The following OSER1 variants were observed in gnomAD, a reference collection of about 807,000 sequenced individuals.
OSER1 encodes oxidative stress responsive serine rich 1.
A neutral mutation model predicts 26.3 loss-of-function variants in OSER1; 15 were observed. The ratio of observed to expected loss-of-function variants is 0.57; its 90% CI spans 0.38 to 0.88. OSER1 has a LOEUF of 0.88. Among genes scored for constraint, OSER1 ranks in the 40% least tolerant of loss-of-function variants. OSER1 has a pLI of 0.00. For missense variants in OSER1, 313 were observed against 353.9 expected (o/e 0.88, Z 0.93); for synonymous variants, 127 against 128.2 (o/e 0.99, Z 0.07).
chr20:44,202,850 T>C lies in OSER1; in HGVS notation c.191+111A>G, dbSNP rs1401775886. 18 of 546,898 alleles carry C rather than the reference T, an allele frequency of 3.3e-5. No homozygotes were observed. The East Asian group carries it at 5.3e-4, about 16-fold the overall frequency. The allele number at this position is 546,898 out of a possible 1,614,324, so 33.9% of individuals were successfully genotyped here. A position where few individuals can be genotyped will look rare whatever the true frequency, so the allele number is the denominator to read the frequency against. On this transcript the variant is annotated intron_variant, in intron 3 of 3. Transcript: ENST00000255174. ...GAAGGAATAGGTCCTCATCTAATCA[T>C]TGGGTCTTAGGTTCTATATCATAAC...
At chr20:44,211,017 A>G (rs1458199243), upstream of OSER1, 6 of 152,358 alleles carry the variant, frequency 3.9e-5, no homozygotes, top group African/African-American at 1.2e-4. Context: ...GCCTCCTCCC[A>G]GTGGCGTGGA....
intron 1 of OSER1, among the ~76,000 whole-genome samples, chr20:44,209,813 C>T (rs2073079197): frequency 6.6e-6 from 1 of 152,188 alleles, no homozygotes; most frequent in African/African-American, 2.4e-5. Flanking sequence ...GTCTACACTT[C>T]CAGGCCCCTG....
At chr20:44,207,281 A>G (rs1160300195) in intron 1 of OSER1, 3 of 186,740 alleles carry the variant, frequency 1.6e-5, no homozygotes, top group Non-Finnish European at 3.3e-5. Context: ...TTCAGTATAC[A>G]TACTTTTTAA....
intron 2 of OSER1, 69 bp downstream of exon 2, chr20:44,206,812 T>C: frequency 1.4e-6 from 1 of 695,218 alleles, no homozygotes; most frequent in East Asian, 2.7e-5. Context: ...GAAGAGCTTT[T>C]TAGGGAAAAG....
intron 2 of OSER1, among the ~76,000 whole-genome samples, chr20:44,205,581 T>C (rs2073029437): frequency 6.6e-6 from 1 of 152,192 alleles, no homozygotes; most frequent in South Asian, 2.1e-4. Context: ...AGTTTTCACT[T>C]TGTGCTAGGT....
intron 2 of OSER1, among the ~76,000 whole-genome samples, chr20:44,203,696 ACAC>A (rs1569240138): frequency 8.4e-4 from 99 of 118,350 alleles, no homozygotes; most frequent in African/African-American, 2.2e-3. Flanking sequence ...GACTTTTTTC[ACAC>A]ACACACACAC....
chr20:44,203,694 TCACACA>T (rs139060435), intron 2 of OSER1, among the ~76,000 whole-genome samples: 57 of 145,442 alleles, frequency 3.9e-4, no homozygotes, highest in East Asian at 2.0e-3. Flanking sequence ...CAGACTTTTT[TCACACA>T]CACACACACA....
At chr20:44,211,147 G>T (rs62204527), upstream of OSER1, 1,122 of 152,500 alleles carry the variant, frequency 7.4e-3, 18 homozygotes, top group East Asian at 0.053. Flanking sequence ...CTTGCGCTCG[G>T]TCCTCTACGT....
Position 44,197,026 on chromosome 20 carries a change from A to T in OSER1, c.*26T>A. On this transcript the variant is annotated 3_prime_UTR_variant, in exon 4 of 4. Transcript: ENST00000255174. ...CTCTTTGACAAGCCTTCATTGGTTTAAAGCATATGAATTAGCTTCTTGCTA... is the reference window on the plus strand; with the variant it reads ...CTCTTTGACAAGCCTTCATTGGTTTTAAGCATATGAATTAGCTTCTTGCTA... The T allele has an allele frequency of 6.6e-7, 1 of 1,520,962 alleles. No homozygotes were observed. The highest frequency in any genetic ancestry group is 9.1e-7 in the Non-Finnish European group (1 of 1,098,144). The allele number at this position is 1,520,962 out of a possible 1,614,324, so 94.2% of individuals were successfully genotyped here.
At chr20:44,210,269 G>T (rs1255195617) in intron 1 of OSER1, among the ~76,000 whole-genome samples, 2 of 152,214 alleles carry the variant, frequency 1.3e-5, no homozygotes, top group African/African-American at 2.4e-5. Context: ...GTCAGAACGA[G>T]AGGCTGGAGT....
Position 44,197,170 on chromosome 20 carries a change from G to C in OSER1, c.761C>G (p.Ser254Cys). The change falls in exon 4 of 4, where the codon TCT (serine) becomes TGT (cysteine). Residue 254 changes from serine (S) to cysteine (C), a missense_variant. Physicochemically the swap from Ser to Cys is moderately radical, Grantham distance 112. This residue lies in a region of OSER1 where 300 missense variants were observed against 318.3 expected (regional missense o/e 0.94). Coordinates refer to ENST00000255174, the MANE Select transcript of OSER1 (RefSeq NM_016470.8). ...ATCCACGAAGACTCGAGCTTGCTCA[G>C]AACAGGATCGGGGAGAGCCAGACAG... ...RTLSGSPRSCSEQARVFVDDV... is the reference protein window; with the variant it reads ...RTLSGSPRSCCEQARVFVDDV... 3 of 1,614,148 alleles carry C rather than the reference G, an allele frequency of 1.9e-6. No individual in the cohort carries two copies. The highest frequency in any genetic ancestry group is 1.1e-5 in the South Asian group (1 of 91,086).
In OSER1 at chr20:44,205,406, A is replaced by G. The variant is rs1600496565; in HGVS notation, c.77+1475T>C. ...TGATATGAACTGGCAAGTTGACCAT[A>G]TTAGAAAACCATCAGGAGGAAAGAT... On this transcript the variant is annotated intron_variant, in intron 2 of 3. Transcript: ENST00000255174. Among the ~76,000 whole-genome samples the G allele has an allele frequency of 2.0e-5, 3 of 152,362 alleles. No homozygotes were observed. In the South Asian group the frequency reaches 6.2e-4, roughly 32 times the overall value.
At chr20:44,204,642 C>T (rs1600495886) in intron 2 of OSER1, among the ~76,000 whole-genome samples, 1 of 152,114 alleles carries the variant, frequency 6.6e-6, no homozygotes, top group Admixed American at 6.5e-5. Context: ...ACCCACATTC[C>T]GCTCCTGCCC....
chr20:44,200,301 T>C (rs1325328927), intron 3 of OSER1, among the ~76,000 whole-genome samples: 1 of 152,216 alleles, frequency 6.6e-6, no homozygotes, highest in Non-Finnish European at 1.5e-5. Context: ...TGGCACTACC[T>C]GCTACCCACC....
In OSER1 at chr20:44,198,573, C is replaced by T. The variant is rs537652713; in HGVS notation, c.192-834G>A. The stretch of plus-strand genomic sequence containing the variant: ...GGCAGAGCTTGCAGTGAGCTGAGAT[C>T]ACGCCACTGTACTCCAGCCTGGGCA... On this transcript the variant is annotated intron_variant, in intron 3 of 3. Transcript: ENST00000255174. 7.1e-3 allele frequency among the ~76,000 whole-genome samples: 1,077 copies of T among 152,102 alleles called. 7 individuals carry two copies. Among genetic ancestry groups the T allele is most frequent in the Non-Finnish European group, 0.012 (807 of 67,992 alleles).
rs185536608 is a variant in OSER1, at chr20:44,200,932, G to A, written c.191+2029C>T. ...ACTGTACCTAATTTAAGTGCTAAGA[G>A]AAAATAACTGTCAATCTAGAAATAT... On this transcript the variant is annotated intron_variant, in intron 3 of 3. Transcript: ENST00000255174. Among the ~76,000 whole-genome samples the A allele has an allele frequency of 1.4e-4, 21 of 152,316 alleles. No individual in the cohort carries two copies. The East Asian group carries it at 2.5e-3, about 18-fold the overall frequency.
intron 1 of OSER1, among the ~76,000 whole-genome samples, chr20:44,209,359 G>A (rs1352511319): frequency 6.6e-6 from 1 of 152,124 alleles, no homozygotes; most frequent in Non-Finnish European, 1.5e-5. Flanking sequence ...GCAAATGAGC[G>A]TTAGGCATAA....
rs1340474230 is a variant in OSER1 at position 44,203,094 on chromosome 20, T to TTACAGCTA, written c.78-28_78-21dup. On this transcript the variant is annotated intron_variant, in intron 2 of 3. Transcript: ENST00000255174. ...ACAGACCTGAAGACAAGAACAAAGT[T>TTACAGCTA]TACAGCTACAAAAAACTGTAAAATG... The TTACAGCTA allele has an allele frequency of 2.2e-6, 3 of 1,336,242 alleles. No homozygotes were observed. The highest frequency in any genetic ancestry group is 3.2e-6 in the Non-Finnish European group (3 of 929,276). The allele number at this position is 1,336,242 out of a possible 1,614,324, so 82.8% of individuals were successfully genotyped here.
chr20:44,207,021 C>T, intron 1 of OSER1, 23 bp from the exon 2 acceptor site: 1 of 1,220,014 alleles, frequency 8.2e-7, no homozygotes, highest in African/African-American at 1.5e-5. Context: ...ATAAAGTGAG[C>T]AAAGTAAAAA....
Sources: gnomAD v4.1 joint callset for allele counts (sites outside exome capture counted in the v4.1 genomes callset) on GRCh38, gnomAD v4.1.1 for gene constraint, gnomAD v4.1.1 regional missense constraint, MANE v1.5 for transcripts, NCBI Gene and HGNC (gene_info 2026-07-23, HGNC 2026-07-21) for gene names.